FUT8: variants seen among roughly 807,000 people sequenced by gnomAD.
FUT8 encodes the protein alpha-(1,6)-fucosyltransferase.
FUT8 carries 29 observed loss-of-function variants against 71.3 expected under a neutral mutation model. The ratio of observed to expected loss-of-function variants is 0.41; its 90% CI spans 0.30 to 0.55. The LOEUF (loss-of-function observed/expected upper bound fraction) is 0.55. Ranked by LOEUF, FUT8 falls within the 20% of genes least tolerant of loss-of-function variation. The probability of loss-of-function intolerance (pLI) is 0.34; values close to 1 mark genes in which losing one functional copy is unlikely to be tolerated. For missense variants in FUT8, 544 were observed against 702.1 expected (o/e 0.77, Z 2.55); for synonymous variants, 254 against 239.3 (o/e 1.06, Z -0.57).
At chr14:65,718,426 G>A (rs1402118344) in intron 7 of FUT8, among the ~76,000 whole-genome samples, 3 of 152,106 alleles carry the variant, frequency 2.0e-5, no homozygotes, top group Non-Finnish European at 4.4e-5. Context: ...ATGGTACCAA[G>A]TATGTCTTGA....
intron 5 of FUT8, among the ~76,000 whole-genome samples, chr14:65,621,319 G>A (rs570197679): frequency 3.9e-4 from 59 of 149,684 alleles, no homozygotes; most frequent in African/African-American, 1.2e-3. Context: ...GTGTGATCTC[G>A]GCTCACTGCA....
intron 1 of FUT8, among the ~76,000 whole-genome samples, chr14:65,444,435 A>G (rs993921301): frequency 2.6e-5 from 4 of 152,240 alleles, no homozygotes; most frequent in Non-Finnish European, 5.9e-5. Context: ...TGGCAGTCCC[A>G]CTTCTAAGTA....
chr14:65,698,073 G>T (rs926730830), intron 7 of FUT8, among the ~76,000 whole-genome samples: 3 of 151,700 alleles, frequency 2.0e-5, no homozygotes, highest in African/African-American at 7.3e-5. Context: ...ATAATGTGTA[G>T]AAATATTCCA....
intron 5 of FUT8, among the ~76,000 whole-genome samples, chr14:65,622,870 G>T (rs1167183578): frequency 6.7e-6 from 1 of 150,304 alleles, no homozygotes; most frequent in Non-Finnish European, 1.5e-5. Flanking sequence ...CTTCTTGCCT[G>T]GATTCCATCT....
At chr14:65,526,877 T>G (rs1033376298) in intron 2 of FUT8, among the ~76,000 whole-genome samples, 35 of 152,202 alleles carry the variant, frequency 2.3e-4, no homozygotes, top group Non-Finnish European at 3.4e-4. Flanking sequence ...CTTTAAGAAT[T>G]TTGAATATTG....
Position 65,669,561 on chromosome 14 carries a change from A to C in FUT8, c.835+81A>C. 2.2e-6 allele frequency: 2 copies of C among 915,734 alleles called. No homozygotes were observed. The highest frequency in any genetic ancestry group is 1.8e-6 in the Non-Finnish European group (1 of 565,074). The allele number at this position is 915,734 out of a possible 1,614,324, so 56.7% of individuals were successfully genotyped here. On this transcript the variant is annotated intron_variant, in intron 7 of 10. Coordinates refer to ENST00000673929, the MANE Select transcript of FUT8 (RefSeq NM_001371533.1). The surrounding 1 kb of genome is among the most constrained non-coding windows in gnomAD (Gnocchi z 4.5). ...TTATTAGATTTCTAGGTAGACCTTC[A>C]TGGAACATACTTATCTTTTCCTCTG... is the stretch of plus-strand genomic sequence containing the variant.
chr14:65,707,418 G>C (rs1415956146), intron 7 of FUT8, among the ~76,000 whole-genome samples: 1 of 152,030 alleles, frequency 6.6e-6, no homozygotes, highest in Non-Finnish European at 1.5e-5. Context: ...TTGGGTGTAT[G>C]GCTTGCAATT....
chr14:65,662,388 A>T lies in FUT8; in HGVS notation c.598-6855A>T, dbSNP rs189142670. On this transcript the variant is annotated intron_variant, in intron 6 of 10. Transcript: ENST00000673929. ...GCAATAGAGCCAGACCTTGTCTCAA[A>T]AATAATAATAATAATTGAAGAAAAT... Among the ~76,000 whole-genome samples the T allele has an allele frequency of 3.0e-4, 45 of 152,304 alleles. 1 individual carries two copies. The highest frequency in any genetic ancestry group is 8.5e-4 in the Admixed American group (13 of 15,298).
chr14:65,413,595 C>G lies in FUT8; in HGVS notation c.-326+381C>G, dbSNP rs887858059. ...CGTTTCCCCTCCACACCTACCTTCC[C>G]TTCGTCAGCAGCTCGGTCCCTGGAG... On this transcript the variant is annotated intron_variant, in intron 1 of 10. Transcript: ENST00000673929. The surrounding 1 kb of genome is among the most constrained non-coding windows in gnomAD (Gnocchi z 4.1). Among the ~76,000 whole-genome samples the G allele has an allele frequency of 1.3e-5, 2 of 152,194 alleles. No homozygotes were observed. Among genetic ancestry groups the G allele is most frequent in the Non-Finnish European group, 2.9e-5 (2 of 68,020 alleles).
upstream of FUT8, among the ~76,000 whole-genome samples, chr14:65,407,725 TA>T (rs2065093224): frequency 6.6e-6 from 1 of 152,240 alleles, no homozygotes; most frequent in Non-Finnish European, 1.5e-5. Flanking sequence ...ACATAATTAT[TA>T]TTTTGTAGAA....
chr14:65,608,811 C>T (rs1268210458), intron 3 of FUT8, among the ~76,000 whole-genome samples: 1 of 151,934 alleles, frequency 6.6e-6, no homozygotes, highest in Non-Finnish European at 1.5e-5. Context: ...CTGCACAGTC[C>T]AGCTTTCTTG....
At chr14:65,635,789 A>G (rs771578932) in intron 6 of FUT8, among the ~76,000 whole-genome samples, 1 of 152,094 alleles carries the variant, frequency 6.6e-6, no homozygotes, top group African/African-American at 2.4e-5. Context: ...ACTGGTCTGT[A>G]GTTTTCTTTT....
chr14:65,417,919 C>T (rs2065241703), intron 1 of FUT8, among the ~76,000 whole-genome samples: 1 of 152,066 alleles, frequency 6.6e-6, no homozygotes, highest in Admixed American at 6.5e-5. Context: ...TTTATTTTTC[C>T]ATAAACTGAA....
chr14:65,593,882 G>A (rs1887823881), intron 3 of FUT8, among the ~76,000 whole-genome samples: 1 of 152,080 alleles, frequency 6.6e-6, no homozygotes, highest in Non-Finnish European at 1.5e-5. Context: ...GGCTAATTTT[G>A]TATTTTTAGT....
chr14:65,723,903 A>G (rs927464898), intron 8 of FUT8, among the ~76,000 whole-genome samples: 1 of 152,236 alleles, frequency 6.6e-6, no homozygotes, highest in Non-Finnish European at 1.5e-5. Flanking sequence ...TCTATAAGAA[A>G]TCATTCTTCA....
intron 2 of FUT8, among the ~76,000 whole-genome samples, chr14:65,528,427 G>A (rs1341275713): frequency 6.6e-6 from 1 of 152,132 alleles, no homozygotes; most frequent in Non-Finnish European, 1.5e-5. Context: ...GGAGTGACCC[G>A]ATTTTCCAGT....
chr14:65,468,316 C>A (rs1016447033), intron 2 of FUT8: 1 of 607,422 alleles, frequency 1.6e-6, no homozygotes. Flanking sequence ...ATATCGGGTG[C>A]CTCTCTTCTT....
At chr14:65,433,277 G>C (rs954867221) in intron 1 of FUT8, among the ~76,000 whole-genome samples, 4 of 151,980 alleles carry the variant, frequency 2.6e-5, no homozygotes, top group Non-Finnish European at 5.9e-5. Flanking sequence ...TTATAATTCA[G>C]TAATTGCTAT....
chr14:65,585,377 G>A (rs1249169548), intron 3 of FUT8, among the ~76,000 whole-genome samples: 5 of 152,048 alleles, frequency 3.3e-5, no homozygotes, highest in Non-Finnish European at 7.4e-5. Flanking sequence ...TGTACAGGCA[G>A]GATCTTGCCA....
Sources: gnomAD v4.1 joint callset for allele counts (sites outside exome capture counted in the v4.1 genomes callset) on GRCh38, gnomAD v4.1.1 for gene constraint, Gnocchi (gnomAD v3.1) non-coding constraint, MANE v1.5 for transcripts, NCBI Gene and HGNC (gene_info 2026-07-23, HGNC 2026-07-21) for gene names.